DTNBP1: variants seen among roughly 807,000 people sequenced by gnomAD.
DTNBP1 encodes the protein dystrobrevin binding protein 1.
A neutral mutation model predicts 42.8 loss-of-function variants in DTNBP1; 35 were observed. The observed-to-expected ratio is 0.82, with a 90% CI of 0.63 to 1.09. DTNBP1 has a LOEUF of 1.09. Among genes scored for constraint, DTNBP1 ranks in the 50% least tolerant of loss-of-function variants. The pLI, the probability that DTNBP1 is intolerant of heterozygous loss-of-function variation, is 0.00. For missense variants in DTNBP1, 457 were observed against 424.2 expected (o/e 1.08, Z -0.68); for synonymous variants, 171 against 162.2 (o/e 1.05, Z -0.41).
intron 7 of DTNBP1, among the ~76,000 whole-genome samples, chr6:15,560,121 CAG>C (rs907109970): frequency 1.5e-4 from 23 of 152,128 alleles, no homozygotes; most frequent in Non-Finnish European, 1.0e-4. Flanking sequence ...TCCTGGCTAA[CAG>C]GGGGAACCCC....
At chr6:15,634,942 A>AT (rs1759923127) in intron 4 of DTNBP1, among the ~76,000 whole-genome samples, 1 of 152,140 alleles carries the variant, frequency 6.6e-6, no homozygotes, top group Non-Finnish European at 1.5e-5. Flanking sequence ...CCTGAATTAC[A>AT]TTCTTTAGAA....
intron 3 of DTNBP1, among the ~76,000 whole-genome samples, chr6:15,645,362 C>A (rs1471367199): frequency 6.6e-6 from 1 of 152,002 alleles, no homozygotes; most frequent in Non-Finnish European, 1.5e-5. Flanking sequence ...ACCAGATGTA[C>A]AAAGAACTGG....
In DTNBP1 at chr6:15,523,015, C is replaced by T. The variant is rs1260715740; in HGVS notation, c.1016G>A (p.Arg339Lys). The change falls in exon 10 of 10, where the codon AGA becomes AAA. Residue 339 changes from arginine (R) to lysine (K), a missense_variant. Physicochemically the swap from Arg to Lys is conservative, Grantham distance 26 (BLOSUM62 2). Transcript: ENST00000344537. ...DTALATSHTD[R>K]EATPDGGEDS... The stretch of plus-strand genomic sequence containing the variant: ...CTCACCACCATCCGGAGTGGCCTCT[C>T]TGTCAGTGTGTGATGTGGCCAGGGC... 6.2e-7 allele frequency: 1 copy of T among 1,614,194 alleles called. No homozygotes were observed. Among genetic ancestry groups the T allele is most frequent in the South Asian group, 1.1e-5 (1 of 91,088 alleles).
chr6:15,526,526 G>A (rs890406805), intron 8 of DTNBP1, among the ~76,000 whole-genome samples: 2 of 152,124 alleles, frequency 1.3e-5, no homozygotes, highest in Non-Finnish European at 2.9e-5. Context: ...TGGTTTAGAT[G>A]ATCCCATGCT....
chr6:15,584,244 C>G (rs899241765), intron 7 of DTNBP1, among the ~76,000 whole-genome samples: 1 of 152,010 alleles, frequency 6.6e-6, no homozygotes, highest in Non-Finnish European at 1.5e-5. Flanking sequence ...TTTCAAGGAG[C>G]AATTTCTTAG....
chr6:15,593,099 AAAAGAC>A lies in DTNBP1; in HGVS notation c.489-24_489-19del. The stretch of plus-strand genomic sequence containing the variant: ...GTTCCTTCCTGTAGGAAAAAAAAAA[AAAAGAC>A]AAGACAATGCAAATTAAAAATCTCC... On this transcript the variant is annotated intron_variant, in intron 6 of 9. Transcript: ENST00000344537. 1 of 1,569,216 alleles carries A rather than the reference AAAAGAC, an allele frequency of 6.4e-7. No homozygotes were observed. The highest frequency in any genetic ancestry group is 2.3e-5 in the East Asian group (1 of 44,354).
chr6:15,654,927 A>C (rs1761199648), intron 1 of DTNBP1, among the ~76,000 whole-genome samples: 1 of 152,228 alleles, frequency 6.6e-6, no homozygotes, highest in Non-Finnish European at 1.5e-5. Context: ...TCAGCACTGC[A>C]TTTATGTAAT....
intron 5 of DTNBP1, 142 bp downstream of exon 5, chr6:15,627,201 C>G (rs938016220): frequency 2.8e-5 from 31 of 1,109,938 alleles, no homozygotes; most frequent in Non-Finnish European, 3.9e-5. Context: ...CTCAACTAAT[C>G]AAAATATGAA....
In DTNBP1 at chr6:15,662,648, C is replaced by G. The variant is rs939246387; in HGVS notation, c.56+166G>C. ...ACCTAAGTTACTTTGCGCCGCCCGACGCGAGGACGCCGGGAAGTTCGTTAC... is the reference window on the plus strand; with the variant it reads ...ACCTAAGTTACTTTGCGCCGCCCGAGGCGAGGACGCCGGGAAGTTCGTTAC... On this transcript the variant is annotated intron_variant, in intron 1 of 9. Coordinates refer to ENST00000344537, the MANE Select transcript of DTNBP1 (RefSeq NM_032122.5). 7.5e-4 allele frequency among the ~76,000 whole-genome samples: 114 copies of G among 152,088 alleles called. 2 individuals are homozygous for G. The highest frequency in any genetic ancestry group is 4.8e-3 in the Admixed American group (73 of 15,294).
At chr6:15,560,469 T>G (rs914285987) in intron 7 of DTNBP1, among the ~76,000 whole-genome samples, 2 of 152,254 alleles carry the variant, frequency 1.3e-5, no homozygotes, top group African/African-American at 2.4e-5. Context: ...ATTATTTGTA[T>G]TTGTAATTTA....
chr6:15,651,738 T>A (rs912621738), intron 2 of DTNBP1, among the ~76,000 whole-genome samples: 1 of 152,162 alleles, frequency 6.6e-6, no homozygotes, highest in Non-Finnish European at 1.5e-5. Flanking sequence ...ACAGGTAACA[T>A]AGCTGAAGAG....
intron 8 of DTNBP1, among the ~76,000 whole-genome samples, chr6:15,531,817 A>G (rs896652243): frequency 6.6e-6 from 1 of 152,134 alleles, no homozygotes; most frequent in African/African-American, 2.4e-5. Context: ...TATTTTCAGT[A>G]GAGACGAGGT....
At chr6:15,627,692 T>C (rs887465741) in intron 4 of DTNBP1, among the ~76,000 whole-genome samples, 4 of 151,934 alleles carry the variant, frequency 2.6e-5, no homozygotes, top group African/African-American at 9.7e-5. Context: ...TATCAGTGCA[T>C]CTTAACCCAC....
At chr6:15,651,884 T>C (rs984315815) in intron 2 of DTNBP1, among the ~76,000 whole-genome samples, 5 of 152,246 alleles carry the variant, frequency 3.3e-5, no homozygotes, top group African/African-American at 9.6e-5. Context: ...AAAACAATTA[T>C]ACTTCACCAT....
At position 15,531,310 on chromosome 6, in the gene DTNBP1, C is replaced by T. The variant is rs1382766569; in HGVS notation, c.667+1930G>A. 4.6e-5 allele frequency among the ~76,000 whole-genome samples: 7 copies of T among 152,162 alleles called. No individual in the cohort carries two copies. In the East Asian group the frequency reaches 1.3e-3, roughly 29 times the overall value. ...CTTAACAGGATAAAAATCCCTGGAG[C>T]AAACCCTCTCCTTCCTCCCAAAGGA... On this transcript the variant is annotated intron_variant, in intron 8 of 9. Coordinates refer to ENST00000344537, the MANE Select transcript of DTNBP1 (RefSeq NM_032122.5).
At chr6:15,577,401 G>C in intron 7 of DTNBP1, among the ~76,000 whole-genome samples, 1 of 152,258 alleles carries the variant, frequency 6.6e-6, no homozygotes, top group East Asian at 1.9e-4. Context: ...CCAGAGGAGA[G>C]ACAACAGTGC....
At chr6:15,567,937 C>T (rs772217993) in intron 7 of DTNBP1, among the ~76,000 whole-genome samples, 29 of 152,164 alleles carry the variant, frequency 1.9e-4, no homozygotes, top group African/African-American at 4.8e-4. Flanking sequence ...AAGAACATTA[C>T]GAGTTGCTAT....
intron 1 of DTNBP1, 66 bp from the exon 2 acceptor site, chr6:15,652,206 G>GA: frequency 7.5e-7 from 1 of 1,325,950 alleles, no homozygotes; most frequent in Non-Finnish European, 1.1e-6. Context: ...TTTTGAGACA[G>GA]GGTCTCACTC....
At chr6:15,601,543 C>T (rs923157894) in intron 6 of DTNBP1, among the ~76,000 whole-genome samples, 10 of 152,102 alleles carry the variant, frequency 6.6e-5, no homozygotes, top group African/African-American at 1.9e-4. Flanking sequence ...TCAAAAGTAA[C>T]GTGTTATTTT....
Sources: gnomAD v4.1 joint callset for allele counts (sites outside exome capture counted in the v4.1 genomes callset) on GRCh38, gnomAD v4.1.1 for gene constraint, MANE v1.5 for transcripts, NCBI Gene and HGNC (gene_info 2026-07-23, HGNC 2026-07-21) for gene names.